DENND1B: variants seen among roughly 807,000 people sequenced by gnomAD.
DENND1B encodes the protein DENN domain containing 1B, also known as DENN domain-containing protein 1B.
DENND1B carries 59 observed loss-of-function variants against 90.1 expected under a neutral mutation model. The observed-to-expected ratio is 0.65, with a 90% CI of 0.53 to 0.81. DENND1B has a LOEUF of 0.81. Ranked by LOEUF, DENND1B falls within the 40% of genes least tolerant of loss-of-function variation. DENND1B has a pLI of 0.00. For missense variants in DENND1B, 862 were observed against 912.6 expected, an observed-to-expected ratio of 0.94 and a Z score of 0.71; for synonymous variants, 337 against 324.6, an observed-to-expected ratio of 1.04 and a Z score of -0.41.
At chr1:197,774,712 C>T (rs1657045336) in intron 1 of DENND1B, 1 of 155,464 alleles carries the variant, frequency 6.4e-6, no homozygotes, top group Non-Finnish European at 1.4e-5. Flanking sequence ...AGAGAGCACT[C>T]GGAATAATAA....
chr1:197,682,738 T>C (rs1656823530), intron 3 of DENND1B, among the ~76,000 whole-genome samples: 1 of 151,994 alleles, frequency 6.6e-6, no homozygotes, highest in South Asian at 2.1e-4. Flanking sequence ...GAAGTAGGGG[T>C]GGTCCTTCCA....
chr1:197,777,913 A>G (rs1657340845), upstream of DENND1B, among the ~76,000 whole-genome samples: 1 of 152,170 alleles, frequency 6.6e-6, no homozygotes. Context: ...ATATATGTCC[A>G]TGATCAAATA....
chr1:197,520,753 C>T (rs1668715901), intron 20 of DENND1B, among the ~76,000 whole-genome samples: 1 of 151,776 alleles, frequency 6.6e-6, no homozygotes, highest in African/African-American at 2.4e-5. Context: ...CATTCTGATA[C>T]AAAGAATTAA....
chr1:197,624,358 G>A (rs2125878240), intron 10 of DENND1B, among the ~76,000 whole-genome samples: 1 of 151,652 alleles, frequency 6.6e-6, no homozygotes, highest in Non-Finnish European at 1.5e-5. Flanking sequence ...GGAAGAAGTG[G>A]ACATCCACAT....
chr1:197,576,838 C>T (rs1673727975), intron 15 of DENND1B, among the ~76,000 whole-genome samples: 1 of 152,110 alleles, frequency 6.6e-6, no homozygotes, highest in Non-Finnish European at 1.5e-5. Context: ...GAATCTTTAT[C>T]ATTTTCCTCC....
chr1:197,626,057 C>T (rs1178697494), intron 10 of DENND1B, among the ~76,000 whole-genome samples: 1 of 151,974 alleles, frequency 6.6e-6, no homozygotes, highest in Non-Finnish European at 1.5e-5. Context: ...ACTTAGATTC[C>T]CACACAATAA....
intron 2 of DENND1B, among the ~76,000 whole-genome samples, chr1:197,720,887 A>G (rs891323907): frequency 2.0e-5 from 3 of 152,116 alleles, no homozygotes; most frequent in African/African-American, 7.2e-5. Context: ...TTGATAAAAC[A>G]TATATAAGCA....
Position 197,571,607 on chromosome 1 carries a change from C to T in DENND1B, c.1149+11545G>A, listed in dbSNP as rs116928920. Among the ~76,000 whole-genome samples, 104 of 152,314 alleles carry T rather than the reference C, an allele frequency of 6.8e-4. No homozygotes were observed. In the East Asian group the frequency reaches 0.02, roughly 29 times the overall value. ...TCATATACTCTGAACTTTTTGCTCA[C>T]TGATATTTTTCTTATTTGCTGTTTG... On this transcript the variant is annotated intron_variant, in intron 15 of 22. Transcript: ENST00000620048.
At chr1:197,677,841 C>T (rs573120666) in intron 3 of DENND1B, among the ~76,000 whole-genome samples, 7 of 152,260 alleles carry the variant, frequency 4.6e-5, no homozygotes, top group African/African-American at 1.7e-4. Flanking sequence ...TCAACAGCTA[C>T]CTCATGGACC....
chr1:197,716,698 G>A (rs939312175), intron 2 of DENND1B, among the ~76,000 whole-genome samples: 2 of 151,790 alleles, frequency 1.3e-5, no homozygotes, highest in South Asian at 2.1e-4. Flanking sequence ...AAATCCTCAT[G>A]CAGAAATACA....
intron 1 of DENND1B, among the ~76,000 whole-genome samples, chr1:197,773,655 T>G (rs1203888067): frequency 1.3e-5 from 2 of 152,278 alleles, no homozygotes; most frequent in Non-Finnish European, 2.9e-5. Flanking sequence ...GTAAGTTTAC[T>G]TTGCTTAATT....
In DENND1B at chr1:197,629,656, G is replaced by A. The variant is rs301505; in HGVS notation, c.673-11897C>T. Among the ~76,000 whole-genome samples, 1,376 of 151,420 alleles carry A rather than the reference G, an allele frequency of 9.1e-3. 19 individuals carry two copies. Among genetic ancestry groups the A allele is most frequent in the African/African-American group, 0.028 (1,171 of 41,246 alleles). On this transcript the variant is annotated intron_variant, in intron 10 of 22. Coordinates refer to ENST00000620048, the MANE Select transcript of DENND1B (RefSeq NM_001195215.2). The stretch of plus-strand genomic sequence containing the variant: ...ACTAAGCTGCACATTGTGCACATGT[G>A]CCCTAAAACTTAAAGTATAATAATA...
At chr1:197,660,606 A>T (rs2125959121) in intron 5 of DENND1B, among the ~76,000 whole-genome samples, 1 of 152,258 alleles carries the variant, frequency 6.6e-6, no homozygotes, top group East Asian at 1.9e-4. Context: ...AAAACAAGGG[A>T]TAGAAGAGTG....
intron 3 of DENND1B, among the ~76,000 whole-genome samples, chr1:197,681,194 T>A (rs990882902): frequency 1.3e-5 from 2 of 152,160 alleles, no homozygotes; most frequent in Non-Finnish European, 2.9e-5. Context: ...TTTTCATGCA[T>A]TTTGTAAGTA....
chr1:197,655,597 T>A (rs1653726897), intron 6 of DENND1B, among the ~76,000 whole-genome samples: 1 of 151,798 alleles, frequency 6.6e-6, no homozygotes, highest in African/African-American at 2.4e-5. Context: ...GCTGGCGCGA[T>A]CTGCGCTCAC....
chr1:197,555,966 C>T (rs966265395), intron 15 of DENND1B, among the ~76,000 whole-genome samples: 1 of 151,964 alleles, frequency 6.6e-6, no homozygotes, highest in Admixed American at 6.6e-5. Context: ...CTGCCTTTTA[C>T]CAGCAGACTG....
chr1:197,510,362 T>A lies in DENND1B; in HGVS notation c.*98A>T, dbSNP rs955645906. On this transcript the variant is annotated 3_prime_UTR_variant, in exon 23 of 23. Coordinates refer to ENST00000620048, the MANE Select transcript of DENND1B (RefSeq NM_001195215.2). ...AAAATGTTGCAAATGCAAAAAAAAA[T>A]TTAAATAGTATGAGTTGCCATTCCT... 1.3e-5 allele frequency: 17 copies of A among 1,358,496 alleles called. No individual in the cohort carries two copies. The highest frequency in any genetic ancestry group is 3.4e-5 in the South Asian group (2 of 59,390). 84.2% of individuals were successfully genotyped at this position (1,358,496 alleles called of 1,614,324 possible). A position where few individuals can be genotyped will look rare whatever the true frequency, so the allele number is the denominator to read the frequency against.
chr1:197,593,220 C>G (rs1453031599), intron 14 of DENND1B, among the ~76,000 whole-genome samples: 1 of 151,372 alleles, frequency 6.6e-6, no homozygotes, highest in South Asian at 2.1e-4. Context: ...AAATCATTTT[C>G]CCTAAAAACT....
chr1:197,612,119 C>G, intron 11 of DENND1B, 143 bp from the exon 12 acceptor site: 2 of 521,896 alleles, frequency 3.8e-6, no homozygotes, highest in Non-Finnish European at 6.4e-6. Flanking sequence ...CAAAATTATT[C>G]AATATATAAA....
Sources: gnomAD v4.1 joint callset for allele counts (sites outside exome capture counted in the v4.1 genomes callset) on GRCh38, gnomAD v4.1.1 for gene constraint, MANE v1.5 for transcripts, NCBI Gene and HGNC (gene_info 2026-07-23, HGNC 2026-07-21) for gene names.